Variants in FRMD5 observed in about 807,000 individuals in gnomAD.
FRMD5 encodes FERM domain-containing protein 5.
Under a neutral mutation model 69.0 loss-of-function variants are expected in FRMD5, and 20 were observed. That is an observed-to-expected ratio of 0.29 (90% CI 0.20 to 0.42). The LOEUF (loss-of-function observed/expected upper bound fraction) is 0.42. Among genes scored for constraint, FRMD5 ranks in the 10% least tolerant of loss-of-function variants. The pLI is 1.00. For missense variants in FRMD5, 595 were observed against 708.6 expected, an observed-to-expected ratio of 0.84 and a Z score of 1.82; for synonymous variants, 271 against 260.1, an observed-to-expected ratio of 1.04 and a Z score of -0.40.
chr15:44,009,660 C>G (rs1890622507), intron 1 of FRMD5, among the ~76,000 whole-genome samples: 1 of 152,026 alleles, frequency 6.6e-6, no homozygotes, highest in South Asian at 2.1e-4. Flanking sequence ...GCCTAAGTGA[C>G]AGAGTGAGAC....
At chr15:44,099,970 C>A (rs1192971398) in intron 1 of FRMD5, among the ~76,000 whole-genome samples, 3 of 151,960 alleles carry the variant, frequency 2.0e-5, no homozygotes, top group African/African-American at 7.3e-5. Flanking sequence ...ACTCTGAAAG[C>A]CCCCCTACAC....
intron 1 of FRMD5, among the ~76,000 whole-genome samples, chr15:44,001,207 T>C (rs1043834799): frequency 6.6e-6 from 1 of 152,232 alleles, no homozygotes; most frequent in African/African-American, 2.4e-5. Context: ...ATATCTTCCT[T>C]GGAGAAATGT....
intron 1 of FRMD5, chr15:44,194,586 G>A: frequency 1.2e-5 from 4 of 335,948 alleles, no homozygotes; most frequent in South Asian, 2.8e-5. Flanking sequence ...GCCCCCGACG[G>A]GGCGGCCGGG....
Position 43,884,737 on chromosome 15 carries a change from C to G in FRMD5, c.1018G>C (p.Glu340Gln), listed in dbSNP as rs1484248878. 1 of 1,614,052 alleles carries G rather than the reference C, an allele frequency of 6.2e-7. No individual in the cohort carries two copies. Among genetic ancestry groups the G allele is most frequent in the Admixed American group, 1.7e-5 (1 of 60,016 alleles). Residue 340 changes from glutamate to glutamine, a missense_variant, in exon 12 of 14, where the codon GAA (glutamate) becomes CAA (glutamine). Physicochemically the swap from Glu to Gln is conservative, Grantham distance 29. Transcript: ENST00000417257. ...SSAKIKREPP[E>Q]IHRAGMVPSR... ...CCCCTGGCAGCCTACCTGTGTATTT[C>G]CGGTGGCTCCCGTTTGATCTTAGCA...
At chr15:44,057,269 C>T (rs1177387288) in intron 1 of FRMD5, among the ~76,000 whole-genome samples, 2 of 152,006 alleles carry the variant, frequency 1.3e-5, no homozygotes, top group Non-Finnish European at 2.9e-5. Flanking sequence ...CCACGCCTGG[C>T]TAATTTTTGT....
chr15:43,969,560 T>A (rs1163015513), intron 1 of FRMD5, among the ~76,000 whole-genome samples: 2 of 152,252 alleles, frequency 1.3e-5, no homozygotes, highest in Non-Finnish European at 2.9e-5. Flanking sequence ...TGGAACTTCT[T>A]CATATAAATT....
chr15:43,982,147 C>G (rs1595585172), intron 1 of FRMD5, among the ~76,000 whole-genome samples: 2 of 152,150 alleles, frequency 1.3e-5, no homozygotes, highest in African/African-American at 4.8e-5. Context: ...CCATACAGTT[C>G]TGTGTGAAAT....
chr15:44,173,004 A>C (rs1566984700), intron 1 of FRMD5, among the ~76,000 whole-genome samples: 1 of 152,234 alleles, frequency 6.6e-6, no homozygotes, highest in Non-Finnish European at 1.5e-5. Context: ...AGTCAAATCA[A>C]CACATGAAAT....
At chr15:44,077,408 A>T (rs1030700483) in intron 1 of FRMD5, among the ~76,000 whole-genome samples, 7 of 152,262 alleles carry the variant, frequency 4.6e-5, no homozygotes, top group Admixed American at 2.6e-4. Flanking sequence ...CACATGGAGA[A>T]TATATTCAAC....
At position 44,101,764 on chromosome 15, in the gene FRMD5, A is replaced by G. The variant is rs1042821536; in HGVS notation, c.102+93189T>C. ...ATCTCTAGGGATGGAGCCTGTTACTAAAGGAAAGGTGGTTATGACATTGTT... is the reference window on the plus strand; with the variant it reads ...ATCTCTAGGGATGGAGCCTGTTACTGAAGGAAAGGTGGTTATGACATTGTT... On this transcript the variant is annotated intron_variant, in intron 1 of 13. Transcript: ENST00000417257. Among the ~76,000 whole-genome samples the G allele has an allele frequency of 4.6e-5, 7 of 152,226 alleles. No individual in the cohort carries two copies. The South Asian group carries it at 1.4e-3, about 32-fold the overall frequency.
At chr15:43,905,751 G>A (rs1451273539) in intron 6 of FRMD5, 77 bp downstream of exon 6, 3 of 1,574,284 alleles carry the variant, frequency 1.9e-6, no homozygotes, top group African/African-American at 2.7e-5. Context: ...TGCGAGAACA[G>A]AGGACACGGC....
rs538978904 is a variant in FRMD5 at position 43,962,875 on chromosome 15, C to T, written c.103-38566G>A. Among the ~76,000 whole-genome samples, 32 of 152,280 alleles carry T rather than the reference C, an allele frequency of 2.1e-4. No individual in the cohort carries two copies. The East Asian group carries it at 4.0e-3, about 19-fold the overall frequency. On this transcript the variant is annotated intron_variant, in intron 1 of 13. Coordinates refer to ENST00000417257, the MANE Select transcript of FRMD5 (RefSeq NM_032892.5). ...CATATGCAGAAAGCTGAAACTGGAT[C>T]GCTTCCTTACACCTTATAGAAAAAT... is the stretch of plus-strand genomic sequence containing the variant.
At chr15:43,876,151 T>C in intron 13 of FRMD5, 1 of 1,588,712 alleles carries the variant, frequency 6.3e-7, no homozygotes, top group Admixed American at 1.7e-5. Context: ...CCACCACCTT[T>C]GGGACCTTGA....
At chr15:44,104,217 TATAGA>T (rs1438457623) in intron 1 of FRMD5, among the ~76,000 whole-genome samples, 1 of 152,216 alleles carries the variant, frequency 6.6e-6, no homozygotes. Context: ...GCGAAAAGCT[TATAGA>T]ATATTTTTAA....
intron 1 of FRMD5, among the ~76,000 whole-genome samples, chr15:44,185,812 T>C (rs2078090780): frequency 6.6e-6 from 1 of 151,712 alleles, no homozygotes; most frequent in Non-Finnish European, 1.5e-5. Context: ...AAAAATGCTC[T>C]AGAGGCAAAA....
At chr15:43,963,508 A>T (rs1231078987) in intron 1 of FRMD5, among the ~76,000 whole-genome samples, 8 of 152,250 alleles carry the variant, frequency 5.3e-5, no homozygotes, top group Admixed American at 5.2e-4. Context: ...GCAATTCCTC[A>T]GGGATCTAGA....
intron 1 of FRMD5, among the ~76,000 whole-genome samples, chr15:44,057,251 A>C (rs1180820056): frequency 2.0e-5 from 3 of 151,006 alleles, no homozygotes; most frequent in African/African-American, 4.9e-5. Flanking sequence ...CAGCCTCCCC[A>C]GTAGCCACCA....
intron 1 of FRMD5, among the ~76,000 whole-genome samples, chr15:44,176,477 A>G (rs2077896448): frequency 2.0e-5 from 3 of 152,170 alleles, no homozygotes; most frequent in African/African-American, 7.2e-5. Flanking sequence ...TTAGGCAATG[A>G]TTTCTTAGAT....
chr15:43,945,593 T>C (rs2089933068), intron 1 of FRMD5, among the ~76,000 whole-genome samples: 1 of 152,184 alleles, frequency 6.6e-6, no homozygotes, highest in African/African-American at 2.4e-5. Flanking sequence ...TATGCCAACA[T>C]AGGACACTCA....
Sources: gnomAD v4.1 joint callset for allele counts (sites outside exome capture counted in the v4.1 genomes callset) on GRCh38, gnomAD v4.1.1 for gene constraint, MANE v1.5 for transcripts, NCBI Gene and HGNC (gene_info 2026-07-23, HGNC 2026-07-21) for gene names.